The following RBMS3 variants were observed in gnomAD, a reference collection of about 807,000 sequenced individuals.
The protein encoded by RBMS3 is RNA-binding motif, single-stranded-interacting protein 3.
Under a neutral mutation model 66.8 loss-of-function variants are expected in RBMS3, and 27 were observed. The observed-to-expected ratio is 0.40, with a 90% CI of 0.30 to 0.56. RBMS3 has a LOEUF of 0.56. Among genes scored for constraint, RBMS3 ranks in the 20% least tolerant of loss-of-function variants. RBMS3 has a pLI of 0.40. For synonymous variants in RBMS3, 188 were observed against 183.0 expected, an observed-to-expected ratio of 1.03 and a Z score of -0.22; for missense variants, 513 against 549.5, an observed-to-expected ratio of 0.93 and a Z score of 0.66.
intron 6 of RBMS3, among the ~76,000 whole-genome samples, chr3:29,789,868 T>C (rs1056265951): frequency 3.9e-5 from 6 of 152,216 alleles, no homozygotes; most frequent in Non-Finnish European, 8.8e-5. Flanking sequence ...AAAGGAAAAC[T>C]ATGACATCAT....
At chr3:29,405,998 A>C (rs760387002) in intron 1 of RBMS3, among the ~76,000 whole-genome samples, 5 of 152,212 alleles carry the variant, frequency 3.3e-5, no homozygotes, top group Non-Finnish European at 4.4e-5. Context: ...TAATTGTTAC[A>C]TTTTAAAGAA....
chr3:29,837,656 T>A (rs1032552218), intron 6 of RBMS3, among the ~76,000 whole-genome samples: 5 of 101,494 alleles, frequency 4.9e-5, no homozygotes, highest in Admixed American at 4.2e-4. Flanking sequence ...CATATATATA[T>A]AATGAACATA....
intron 10 of RBMS3, among the ~76,000 whole-genome samples, chr3:29,920,101 C>T (rs1358558790): frequency 6.6e-6 from 1 of 151,862 alleles, no homozygotes; most frequent in Non-Finnish European, 1.5e-5. Context: ...TCATGCATGG[C>T]AGTAATAAGA....
At chr3:29,519,571 C>A (rs951664451) in intron 3 of RBMS3, among the ~76,000 whole-genome samples, 1 of 152,104 alleles carries the variant, frequency 6.6e-6, no homozygotes, top group Admixed American at 6.6e-5. Context: ...AGAGGTCAAC[C>A]AACAGAACTC....
chr3:29,666,631 C>T (rs1237531408), intron 4 of RBMS3, among the ~76,000 whole-genome samples: 1 of 542 alleles, frequency 1.8e-3, no homozygotes, highest in Admixed American at 0.026. Context: ...TTTGATTATG[C>T]AAAACCAATT....
chr3:29,401,670 G>A (rs1417269388), intron 1 of RBMS3, among the ~76,000 whole-genome samples: 3 of 152,084 alleles, frequency 2.0e-5, no homozygotes, highest in Non-Finnish European at 4.4e-5. Flanking sequence ...ACATAGGTGG[G>A]AACTTCTGAA....
intron 3 of RBMS3, among the ~76,000 whole-genome samples, chr3:29,574,403 G>A (rs1275877644): frequency 6.6e-6 from 1 of 151,652 alleles, no homozygotes; most frequent in Non-Finnish European, 1.5e-5. Context: ...GGTTTTCATT[G>A]TCATGGAATG....
intron 2 of RBMS3, among the ~76,000 whole-genome samples, chr3:29,435,402 T>TA (rs2041363570): frequency 1.3e-5 from 2 of 152,166 alleles, no homozygotes; most frequent in African/African-American, 2.4e-5. Context: ...ATAAGACTAA[T>TA]CCTCTAGTTT....
At chr3:29,663,182 G>A (rs1227892536) in intron 4 of RBMS3, among the ~76,000 whole-genome samples, 1 of 152,112 alleles carries the variant, frequency 6.6e-6, no homozygotes, top group Non-Finnish European at 1.5e-5. Flanking sequence ...TCTCCTTGTG[G>A]AATAAATTTT....
intron 1 of RBMS3, among the ~76,000 whole-genome samples, chr3:29,420,963 ATT>A (rs773220367): frequency 0.16 from 23,922 of 148,316 alleles, 2,491 homozygotes; most frequent in Non-Finnish European, 0.24. Context: ...AAAAAAAAAA[ATT>A]AACTGGGCGT....
At chr3:29,455,006 A>T (rs913760188) in intron 2 of RBMS3, among the ~76,000 whole-genome samples, 7 of 152,208 alleles carry the variant, frequency 4.6e-5, no homozygotes, top group African/African-American at 1.7e-4. Context: ...ATGAAGTCAT[A>T]GTTGAATAAT....
intron 1 of RBMS3, among the ~76,000 whole-genome samples, chr3:29,351,217 A>C (rs2036894847): frequency 6.6e-6 from 1 of 152,118 alleles, no homozygotes; most frequent in Non-Finnish European, 1.5e-5. Flanking sequence ...GACGTGATGA[A>C]CATTTTCCTG....
intron 14 of RBMS3, among the ~76,000 whole-genome samples, chr3:29,991,899 A>T (rs1559871180): frequency 1.3e-5 from 2 of 152,200 alleles, no homozygotes; most frequent in Admixed American, 6.5e-5. Flanking sequence ...ATATGGTCTT[A>T]TTCAGGAATA....
At chr3:29,473,500 G>A (rs11715967) in intron 2 of RBMS3, among the ~76,000 whole-genome samples, 56,033 of 152,100 alleles carry the variant, frequency 0.37, 10,562 homozygotes, top group Admixed American at 0.49. Context: ...CGCGCCGTGC[G>A]CCTGCACTCC....
chr3:29,676,191 T>C (rs2051241235), intron 4 of RBMS3, among the ~76,000 whole-genome samples: 1 of 151,960 alleles, frequency 6.6e-6, no homozygotes, highest in Non-Finnish European at 1.5e-5. Flanking sequence ...AACCAAACAC[T>C]GCATGTTCTC....
At chr3:29,396,685 A>C (rs1227556202) in intron 1 of RBMS3, among the ~76,000 whole-genome samples, 1 of 152,094 alleles carries the variant, frequency 6.6e-6, no homozygotes, top group Non-Finnish European at 1.5e-5. Flanking sequence ...AAATAGGGCA[A>C]AATATAGTAG....
intron 10 of RBMS3, among the ~76,000 whole-genome samples, chr3:29,905,848 T>G (rs1428809144): frequency 2.0e-5 from 3 of 152,158 alleles, no homozygotes; most frequent in African/African-American, 7.2e-5. Context: ...ATGCAGCCAG[T>G]GGGCCACATG....
intron 1 of RBMS3, among the ~76,000 whole-genome samples, chr3:29,406,689 C>A (rs75483837): frequency 0.017 from 2,632 of 152,246 alleles, 76 homozygotes; most frequent in African/African-American, 0.06. Context: ...AAACCCTGAA[C>A]TGTGTTAAAA....
intron 6 of RBMS3, among the ~76,000 whole-genome samples, chr3:29,797,010 C>T (rs2057222139): frequency 6.6e-6 from 1 of 151,940 alleles, no homozygotes; most frequent in Non-Finnish European, 1.5e-5. Flanking sequence ...CCGAGCCCGG[C>T]CACAATGGCT....
Sources: gnomAD v4.1 joint callset for allele counts (sites outside exome capture counted in the v4.1 genomes callset) on GRCh38, gnomAD v4.1.1 for gene constraint, MANE v1.5 for transcripts, NCBI Gene and HGNC (gene_info 2026-07-23, HGNC 2026-07-21) for gene names.